ASIC2: variants seen among roughly 807,000 people sequenced by gnomAD.
ASIC2 encodes acid sensing ion channel subunit 2, also known as acid-sensing ion channel 2.
Under a neutral mutation model 57.3 loss-of-function variants are expected in ASIC2, and 25 were observed. The observed-to-expected ratio is 0.44, with a 90% CI of 0.32 to 0.61. The LOEUF (loss-of-function observed/expected upper bound fraction) is 0.61. Ranked by LOEUF, ASIC2 falls within the 20% of genes least tolerant of loss-of-function variation. The pLI, the probability that ASIC2 is intolerant of heterozygous loss-of-function variation, is 0.06. For synonymous variants in ASIC2, 319 were observed against 307.5 expected, an observed-to-expected ratio of 1.04 and a Z score of -0.39; for missense variants, 641 against 738.1, an observed-to-expected ratio of 0.87 and a Z score of 1.52.
intron 1 of ASIC2, among the ~76,000 whole-genome samples, chr17:33,229,050 T>C (rs1907990914): frequency 6.6e-6 from 1 of 152,098 alleles, no homozygotes; most frequent in East Asian, 1.9e-4. Flanking sequence ...ATTCAGGAAG[T>C]GGGCACAACT....
intron 1 of ASIC2, among the ~76,000 whole-genome samples, chr17:34,089,938 G>C (rs1910263252): frequency 6.6e-6 from 1 of 152,106 alleles, no homozygotes; most frequent in Non-Finnish European, 1.5e-5. Context: ...CTCATTCCCA[G>C]CTGTCTTGGT....
rs1306116874 is a variant in ASIC2 at position 33,793,125 on chromosome 17, T to C, written c.555+362853A>G. Among the ~76,000 whole-genome samples the C allele has an allele frequency of 3.3e-5, 5 of 152,354 alleles. No individual in the cohort carries two copies. The East Asian group carries it at 7.7e-4, about 23-fold the overall frequency. ...TAAGGGGAGCCTTTAACTGAAATGT[T>C]GAGGCTGCTTCCCTAACATTGACCC... On this transcript the variant is annotated intron_variant, in intron 1 of 9. Coordinates refer to the ASIC2 transcript ENST00000359872.
chr17:33,518,866 G>A (rs959106612), intron 1 of ASIC2, among the ~76,000 whole-genome samples: 2 of 151,854 alleles, frequency 1.3e-5, no homozygotes, highest in Non-Finnish European at 2.9e-5. Context: ...TGTCACCCAG[G>A]CTGGAGTACA....
chr17:34,040,426 G>A (rs1174592563), intron 1 of ASIC2, among the ~76,000 whole-genome samples: 4 of 120,738 alleles, frequency 3.3e-5, no homozygotes, highest in African/African-American at 9.5e-5. Flanking sequence ...TGGGGGAAGC[G>A]CCGACAGTGG....
intron 3 of ASIC2, among the ~76,000 whole-genome samples, chr17:33,035,619 G>A (rs1372106057): frequency 6.6e-6 from 1 of 152,170 alleles, no homozygotes; most frequent in Non-Finnish European, 1.5e-5. Flanking sequence ...TAACTCCTAA[G>A]GAACAACACT....
intron 1 of ASIC2, among the ~76,000 whole-genome samples, chr17:33,990,170 A>T (rs1243156641): frequency 1.3e-5 from 2 of 152,214 alleles, no homozygotes; most frequent in Non-Finnish European, 2.9e-5. Context: ...GCAGTATATA[A>T]GTCCAAAGAG....
chr17:33,169,131 T>C (rs1905411614), intron 1 of ASIC2, among the ~76,000 whole-genome samples: 1 of 152,202 alleles, frequency 6.6e-6, no homozygotes, highest in Non-Finnish European at 1.5e-5. Context: ...ATTTTTCTGC[T>C]GCCCCAGCTA....
At chr17:33,266,194 C>T (rs1274702436) in intron 1 of ASIC2, among the ~76,000 whole-genome samples, 1 of 152,236 alleles carries the variant, frequency 6.6e-6, no homozygotes, top group African/African-American at 2.4e-5. Context: ...CCTTCTGCTA[C>T]AACCCCTGTT....
chr17:33,825,428 A>G (rs1567726434), intron 1 of ASIC2, among the ~76,000 whole-genome samples: 1 of 152,190 alleles, frequency 6.6e-6, no homozygotes, highest in Non-Finnish European at 1.5e-5. Flanking sequence ...CCTGTGACAC[A>G]ATCATCATTC....
At chr17:33,041,136 G>A (rs2091928451) in intron 3 of ASIC2, among the ~76,000 whole-genome samples, 1 of 152,148 alleles carries the variant, frequency 6.6e-6, no homozygotes, top group African/African-American at 2.4e-5. Flanking sequence ...ACACAGCTGA[G>A]GGGTGGTGGG....
At chr17:33,866,243 A>G (rs1236680731) in intron 1 of ASIC2, among the ~76,000 whole-genome samples, 3 of 152,200 alleles carry the variant, frequency 2.0e-5, no homozygotes, top group African/African-American at 7.2e-5. Flanking sequence ...CTTCTTAGTT[A>G]TATACCTAGG....
intron 1 of ASIC2, among the ~76,000 whole-genome samples, chr17:33,329,289 TATATG>T (rs1295811802): frequency 6.6e-6 from 1 of 152,194 alleles, no homozygotes; most frequent in African/African-American, 2.4e-5. Flanking sequence ...CAGGGATACA[TATATG>T]CCTAGGAGAT....
intron 1 of ASIC2, among the ~76,000 whole-genome samples, chr17:33,161,672 C>T (rs1905163135): frequency 6.6e-6 from 1 of 152,134 alleles, no homozygotes; most frequent in African/African-American, 2.4e-5. Context: ...TAGAACAGTG[C>T]CTGGCACATA....
chr17:33,249,532 G>T (rs1260567258), intron 1 of ASIC2, among the ~76,000 whole-genome samples: 2 of 152,162 alleles, frequency 1.3e-5, no homozygotes, highest in Non-Finnish European at 2.9e-5. Context: ...GCAGGAGTGA[G>T]CCCTGAGACA....
At chr17:33,097,672 G>C (rs559480276) in intron 2 of ASIC2, among the ~76,000 whole-genome samples, 1 of 152,240 alleles carries the variant, frequency 6.6e-6, no homozygotes, top group African/African-American at 2.4e-5. Flanking sequence ...AGCTGATAAA[G>C]TTCCAAGCTG....
chr17:33,559,703 T>A (rs140758020), intron 1 of ASIC2, among the ~76,000 whole-genome samples: 1 of 152,312 alleles, frequency 6.6e-6, no homozygotes, highest in Non-Finnish European at 1.5e-5. Context: ...TCATATCCAG[T>A]GCCCTCTTTA....
intron 1 of ASIC2, among the ~76,000 whole-genome samples, chr17:33,656,800 T>G (rs1252092974): frequency 6.6e-6 from 1 of 152,180 alleles, no homozygotes; most frequent in African/African-American, 2.4e-5. Flanking sequence ...AAGCTTATTT[T>G]CCATGGGGCC....
chr17:33,902,547 G>C (rs1915252388), intron 1 of ASIC2, among the ~76,000 whole-genome samples: 1 of 152,218 alleles, frequency 6.6e-6, no homozygotes, highest in Non-Finnish European at 1.5e-5. Context: ...TTGTCCTTGT[G>C]GCTCTGCAGC....
At chr17:33,985,634 A>C (rs1905791682) in intron 1 of ASIC2, among the ~76,000 whole-genome samples, 1 of 152,152 alleles carries the variant, frequency 6.6e-6, no homozygotes, top group African/African-American at 2.4e-5. Flanking sequence ...TAATATGCTT[A>C]AGGCTGTTAA....
Sources: gnomAD v4.1 joint callset for allele counts (sites outside exome capture counted in the v4.1 genomes callset) on GRCh38, gnomAD v4.1.1 for gene constraint, MANE v1.5 for transcripts, NCBI Gene and HGNC (gene_info 2026-07-23, HGNC 2026-07-21) for gene names.